The following TYW1B variants were observed in gnomAD, a reference collection of about 807,000 sequenced individuals.
TYW1B encodes the protein tRNA-yW synthesizing protein 1 homolog B, also known as S-adenosyl-L-methionine-dependent tRNA 4-demethylwyosine synthase TYW1B.
A neutral mutation model predicts 86.9 loss-of-function variants in TYW1B; 73 were observed. The ratio of observed to expected loss-of-function variants is 0.84; its 90% CI spans 0.70 to 1.02. The LOEUF (loss-of-function observed/expected upper bound fraction) is 1.02. Among genes scored for constraint, TYW1B ranks in the 50% least tolerant of loss-of-function variants. The probability of loss-of-function intolerance (pLI) is 0.00; values close to 1 mark genes in which losing one functional copy is unlikely to be tolerated. For missense variants in TYW1B, 637 were observed against 827.4 expected, an observed-to-expected ratio of 0.77 and a Z score of 2.82; for synonymous variants, 248 against 292.8, an observed-to-expected ratio of 0.85 and a Z score of 1.56.
At chr7:72,647,066 G>A (rs1167552268) in intron 11 of TYW1B, among the ~76,000 whole-genome samples, 2 of 152,152 alleles carry the variant, frequency 1.3e-5, no homozygotes, top group African/African-American at 4.8e-5. Context: ...TTGAGGCTGT[G>A]TCAAAACAAG....
At position 72,728,876 on chromosome 7, in the gene TYW1B, T is replaced by C. The variant is rs782569173; in HGVS notation, c.1138A>G (p.Met380Val). 3.1e-6 allele frequency: 5 copies of C among 1,613,906 alleles called. No individual in the cohort carries two copies. Among genetic ancestry groups the C allele is most frequent in the Non-Finnish European group, 3.4e-6 (4 of 1,179,948 alleles). The change falls in exon 9 of 14, where the codon ATG becomes GTG. Residue 380 changes from methionine to valine, a missense_variant. Met to Val is a conservative substitution (Grantham distance 21). Transcript: ENST00000620995. ...EWLWKMDQPE[M>V]ILKEAIENHQ... is the part of the protein sequence containing the mutation. The stretch of plus-strand genomic sequence containing the variant: ...TTTTCAATGGCTTCCTTCAAGATCA[T>C]TTCAGGCTGGTCCATCTTCCACAAC...
At chr7:72,678,271 T>C (rs1360699168) in intron 11 of TYW1B, among the ~76,000 whole-genome samples, 1 of 152,020 alleles carries the variant, frequency 6.6e-6, no homozygotes, top group Non-Finnish European at 1.5e-5. Context: ...CAAAGAGGGA[T>C]GGGCAGTGCT....
At chr7:72,590,381 G>A (rs34618154) in intron 13 of TYW1B, among the ~76,000 whole-genome samples, 3,425 of 115,612 alleles carry the variant, frequency 0.03, no homozygotes, top group African/African-American at 0.054. Context: ...ATGGAAGGGC[G>A]GAATAGAGGC....
intron 10 of TYW1B, among the ~76,000 whole-genome samples, chr7:72,699,917 T>C (rs1554452181): frequency 6.6e-6 from 1 of 152,102 alleles, no homozygotes; most frequent in African/African-American, 2.4e-5. Flanking sequence ...CCCAAAGTAC[T>C]GGGATTACAG....
At chr7:72,733,576 G>A (rs1468636085) in intron 8 of TYW1B, among the ~76,000 whole-genome samples, 3 of 152,040 alleles carry the variant, frequency 2.0e-5, no homozygotes, top group Admixed American at 6.5e-5. Context: ...CAGGGGAATC[G>A]CTTGAACCCA....
At position 72,803,685 on chromosome 7, in the gene TYW1B, C is replaced by T. The variant is rs541515085; in HGVS notation, c.724-1163G>A. Among the ~76,000 whole-genome samples the T allele has an allele frequency of 7.9e-4, 120 of 152,140 alleles. 1 individual carries two copies. The highest frequency in any genetic ancestry group is 6.8e-3 in the Middle Eastern group (2 of 294). On this transcript the variant is annotated intron_variant, in intron 5 of 13. Transcript: ENST00000620995. ...CTGGAGTGCAGTGGCGTGATCTTGGCTCACTGCAACCTCCACCTCCTTGGT... is the reference window on the plus strand; with the variant it reads ...CTGGAGTGCAGTGGCGTGATCTTGGTTCACTGCAACCTCCACCTCCTTGGT...
At chr7:72,743,113 G>A (rs1275473662) in intron 8 of TYW1B, among the ~76,000 whole-genome samples, 1 of 152,152 alleles carries the variant, frequency 6.6e-6, no homozygotes, top group Non-Finnish European at 1.5e-5. Context: ...ATATGCAACA[G>A]GAAATTGGAA....
intron 7 of TYW1B, among the ~76,000 whole-genome samples, 173 bp downstream of exon 7, chr7:72,777,243 G>C (rs534255965): frequency 6.6e-6 from 1 of 152,236 alleles, no homozygotes; most frequent in South Asian, 2.1e-4. Flanking sequence ...GTAACTCACT[G>C]GTGCAGGCAG....
intron 6 of TYW1B, among the ~76,000 whole-genome samples, chr7:72,788,201 G>A (rs1474119523): frequency 2.6e-5 from 4 of 152,014 alleles, no homozygotes; most frequent in Non-Finnish European, 4.4e-5. Context: ...GGATGGTCTC[G>A]ATCTCCTGAC....
At chr7:72,742,724 A>C (rs1282237962) in intron 8 of TYW1B, among the ~76,000 whole-genome samples, 1 of 152,080 alleles carries the variant, frequency 6.6e-6, no homozygotes, top group Non-Finnish European at 1.5e-5. Flanking sequence ...GTAATCCCCA[A>C]TAATCATAAC....
chr7:72,576,686 G>C (rs1811030275), intron 13 of TYW1B, among the ~76,000 whole-genome samples: 2 of 151,848 alleles, frequency 1.3e-5, no homozygotes, highest in Admixed American at 1.3e-4. Flanking sequence ...CTAATTTTTT[G>C]TATTTTTAGT....
At chr7:72,632,347 T>TA (rs1812528183) in intron 11 of TYW1B, among the ~76,000 whole-genome samples, 1 of 103,876 alleles carries the variant, frequency 9.6e-6, no homozygotes, top group African/African-American at 4.8e-5. Flanking sequence ...GTATATATAT[T>TA]ATATATATTA....
intron 2 of TYW1B, among the ~76,000 whole-genome samples, chr7:72,822,286 G>C (rs1191637784): frequency 2.7e-5 from 4 of 150,424 alleles, no homozygotes; most frequent in Admixed American, 2.0e-4. Flanking sequence ...CATCCCACAG[G>C]AATCCCAGAA....
At position 72,818,999 on chromosome 7, in the gene TYW1B, A is replaced by T. The variant is rs149782369; in HGVS notation, c.136-3518T>A. ...CAGATCCAAACCATATCAATTACCC[A>T]GCTGCAGGTATTCCTTTATGGCAAT... is the stretch of plus-strand genomic sequence containing the variant. On this transcript the variant is annotated intron_variant, in intron 2 of 13. Coordinates refer to ENST00000620995, the MANE Select transcript of TYW1B (RefSeq NM_001145440.3). Among the ~76,000 whole-genome samples, 1,006 of 152,280 alleles carry T rather than the reference A, an allele frequency of 6.6e-3. 15 individuals carry two copies. The highest frequency in any genetic ancestry group is 0.021 in the African/African-American group (869 of 41,562).
chr7:72,755,951 T>C (rs1421143979), intron 7 of TYW1B, among the ~76,000 whole-genome samples: 5 of 151,854 alleles, frequency 3.3e-5, no homozygotes, highest in African/African-American at 1.2e-4. Context: ...GCAGGGGCAG[T>C]CCAAGAGAAA....
chr7:72,594,928 C>T (rs1301715324), intron 13 of TYW1B, among the ~76,000 whole-genome samples: 1 of 150,212 alleles, frequency 6.7e-6, no homozygotes, highest in Non-Finnish European at 1.5e-5. Flanking sequence ...GACAAAACAA[C>T]ACCCTTTCGT....
intron 13 of TYW1B, among the ~76,000 whole-genome samples, chr7:72,614,005 G>C (rs1333942441): frequency 1.3e-5 from 2 of 151,442 alleles, no homozygotes; most frequent in East Asian, 1.9e-4. Context: ...TGTATGCTGG[G>C]GGGGTGGGGG....
At chr7:72,634,682 T>A (rs1224576959) in intron 11 of TYW1B, among the ~76,000 whole-genome samples, 3 of 152,142 alleles carry the variant, frequency 2.0e-5, no homozygotes, top group Non-Finnish European at 2.9e-5. Flanking sequence ...CAACACTTAG[T>A]GTTGCTAGTT....
At chr7:72,816,976 T>G (rs1368390080) in intron 2 of TYW1B, among the ~76,000 whole-genome samples, 1 of 152,140 alleles carries the variant, frequency 6.6e-6, no homozygotes, top group Non-Finnish European at 1.5e-5. Flanking sequence ...CTGTGAGTCA[T>G]CCTATAGAAC....
Sources: allele counts gnomAD v4.1 joint callset (sites outside exome capture counted in the v4.1 genomes callset), GRCh38; gene constraint gnomAD v4.1.1; transcripts MANE v1.5; gene names NCBI Gene and HGNC (gene_info 2026-07-23, HGNC 2026-07-21).